The following RPGRIP1 variants were observed in gnomAD, a reference collection of about 807,000 sequenced individuals.
RPGRIP1 encodes the protein X-linked retinitis pigmentosa GTPase regulator-interacting protein 1.
Under a neutral mutation model 157.9 loss-of-function variants are expected in RPGRIP1, and 128 were observed. The ratio of observed to expected loss-of-function variants is 0.81; its 90% confidence interval spans 0.70 to 0.94. RPGRIP1 has a LOEUF of 0.94. Ranked by LOEUF, RPGRIP1 falls within the 40% of genes least tolerant of loss-of-function variation. RPGRIP1 has a pLI of 0.00. For missense variants in RPGRIP1, 1,486 were observed against 1,545.8 expected, an observed-to-expected ratio of 0.96 and a Z score of 0.65; for synonymous variants, 554 against 571.6, an observed-to-expected ratio of 0.97 and a Z score of 0.44.
chr14:21,320,586 C>G (rs1221461768), intron 12 of RPGRIP1, among the ~76,000 whole-genome samples: 5 of 144,408 alleles, frequency 3.5e-5, no homozygotes, highest in Non-Finnish European at 7.5e-5. Context: ...CCACCGCGCC[C>G]GGCCCACTCT....
At chr14:21,349,877 C>T (rs191787924) in intron 24 of RPGRIP1, among the ~76,000 whole-genome samples, 8 of 152,250 alleles carry the variant, frequency 5.3e-5, no homozygotes, top group South Asian at 4.1e-4. Flanking sequence ...GTTGGGACTG[C>T]GCTGTCCAGT....
In RPGRIP1 at chr14:21,321,316, C is replaced by G; in HGVS notation, c.1525C>G (p.Gln509Glu). The G allele has an allele frequency of 6.2e-7, 1 of 1,613,922 alleles. No individual in the cohort carries two copies. Among genetic ancestry groups the G allele is most frequent in the Non-Finnish European group, 8.5e-7 (1 of 1,179,850 alleles). ...KKLSQVLNEL[Q>E]VSHAETTLEL... ...ACTGTCCCAGGTGCTAAATGAGTTG[C>G]AAGTATCACACGCAGAGACCACATT... Residue 509 changes from glutamine (Q) to glutamate (E), a missense_variant, in exon 13 of 25, where the codon CAA becomes GAA. By Grantham distance (29) the Gln-to-Glu change is conservative. Coordinates refer to ENST00000400017, the MANE Select transcript of RPGRIP1 (RefSeq NM_020366.4).
In RPGRIP1 at chr14:21,295,031, A is replaced by G. The variant is rs185309465; in HGVS notation, c.218+222A>G. ...GCTAATTTAGTATTTTTAAGTAGAG[A>G]TGGGGATTCGCCATGTTGGCCAGGT... On this transcript the variant is annotated intron_variant, in intron 3 of 24. Transcript: ENST00000400017. 2.2e-3 allele frequency among the ~76,000 whole-genome samples: 335 copies of G among 151,584 alleles called. 2 individuals carry two copies. The highest frequency in any genetic ancestry group is 7.3e-3 in the African/African-American group (302 of 41,328).
At chr14:21,316,981 C>T (rs1237935604) in intron 10 of RPGRIP1, among the ~76,000 whole-genome samples, 1 of 151,630 alleles carries the variant, frequency 6.6e-6, no homozygotes, top group Non-Finnish European at 1.5e-5. Flanking sequence ...TTAGCTGGGC[C>T]TGGTGGTGGG....
At chr14:21,329,697 T>G (rs1293342365) in intron 19 of RPGRIP1, among the ~76,000 whole-genome samples, 1 of 151,124 alleles carries the variant, frequency 6.6e-6, no homozygotes, top group Non-Finnish European at 1.5e-5. Context: ...AGACGAGGTT[T>G]CACCATGTTG....
rs1172357323 is a variant in RPGRIP1 at position 21,345,173 on chromosome 14, A to G, written c.3593A>G (p.Asn1198Ser). Residue 1198 changes from asparagine (N) to serine (S), a missense_variant, in exon 23 of 25, where the codon AAT (asparagine) becomes AGT (serine). Physicochemically the swap from Asn to Ser is conservative, Grantham distance 46 (BLOSUM62 1). Transcript: ENST00000400017. ...AGGCGGTTTCTGTTCGACATGCTGA[A>G]TGGACAAGATCCTGATCAAGGACAG... ...GRRRFLFDML[N>S]GQDPDQGHLK... 11 of 1,613,110 alleles carry G rather than the reference A, an allele frequency of 6.8e-6. No individual in the cohort carries two copies. Among genetic ancestry groups the G allele is most frequent in the South Asian group, 2.2e-5 (2 of 91,034 alleles).
At chr14:21,291,977 C>G (rs1022955453) in intron 2 of RPGRIP1, among the ~76,000 whole-genome samples, 5 of 152,146 alleles carry the variant, frequency 3.3e-5, no homozygotes, top group African/African-American at 9.7e-5. Context: ...TCACGCTGGT[C>G]TCAAACTCCT....
intron 14 of RPGRIP1, 69 bp from the exon 15 acceptor site, chr14:21,324,549 C>A: frequency 7.8e-7 from 1 of 1,280,874 alleles, no homozygotes; most frequent in Non-Finnish European, 1.1e-6. Flanking sequence ...TTTCTTTTGT[C>A]CACCCTCCTC....
In RPGRIP1 at chr14:21,307,774, C is replaced by A; in HGVS notation, c.844C>A (p.Leu282Ile). ...GGTAGAGCTGATTCGACTTAAGAAG[C>A]TCTTACATGAAAGAAATGCTTCATT... is the stretch of plus-strand genomic sequence containing the variant. ...EKVELIRLKK[L>I]LHERNASLVM... Residue 282 changes from leucine (L) to isoleucine (I), a missense_variant, in exon 7 of 25, where the codon CTC becomes ATC. Physicochemically the swap from Leu to Ile is conservative, Grantham distance 5. Transcript: ENST00000400017. 1 of 1,569,330 alleles carries A rather than the reference C, an allele frequency of 6.4e-7. No individual in the cohort carries two copies.
intron 11 of RPGRIP1, 132 bp downstream of exon 11, chr14:21,317,982 A>G (rs1307525087): frequency 4.0e-6 from 3 of 754,122 alleles, no homozygotes; most frequent in Non-Finnish European, 6.9e-6. Context: ...AGGTAACTAG[A>G]ATGAGAACAC....
intron 12 of RPGRIP1, among the ~76,000 whole-genome samples, chr14:21,320,581 G>T (rs189784980): frequency 6.9e-6 from 1 of 145,446 alleles, no homozygotes; most frequent in South Asian, 2.2e-4. Flanking sequence ...GTAAGCCACC[G>T]CGCCCGGCCC....
In RPGRIP1 at chr14:21,301,154, C is replaced by A; in HGVS notation, c.407C>A (p.Pro136His). 6.3e-7 allele frequency: 1 copy of A among 1,594,528 alleles called. No individual in the cohort carries two copies. Among genetic ancestry groups the A allele is most frequent in the Non-Finnish European group, 8.5e-7 (1 of 1,170,922 alleles). ...TTCCACTGCGTCGGCCCTGCCAGCC[C>A]CCGCCGCGCCCAGCCTCGCGTCCAA... ...GHFHCVGPAS[P>H]RRAQPRVQVG... Residue 136 changes from proline to histidine, a missense_variant, in exon 4 of 25, where the codon CCC (proline) becomes CAC (histidine). Pro to His is a moderately conservative substitution (Grantham distance 77). Coordinates refer to ENST00000400017, the MANE Select transcript of RPGRIP1 (RefSeq NM_020366.4).
Position 21,302,604 on chromosome 14 carries a change from C to T in RPGRIP1, c.587+20C>T, listed in dbSNP as rs1881082399. 2 of 1,417,708 alleles carry T rather than the reference C, an allele frequency of 1.4e-6. No homozygotes were observed. The highest frequency in any genetic ancestry group is 2.5e-5 in the East Asian group (1 of 40,620). The allele number at this position is 1,417,708 out of a possible 1,614,324, so 87.8% of individuals were successfully genotyped here. A position where few individuals can be genotyped will look rare whatever the true frequency, so the allele number is the denominator to read the frequency against. ...TGAACTGTGAGTTCTTCTCATTTAT[C>T]CCATGTTGTTATTCCTGCCACTTTA... On this transcript the variant is annotated intron_variant, in intron 5 of 24. Transcript: ENST00000400017.
At chr14:21,331,788 A>C (rs1378911727) in intron 20 of RPGRIP1, among the ~76,000 whole-genome samples, 6 of 152,066 alleles carry the variant, frequency 3.9e-5, no homozygotes, top group Non-Finnish European at 8.8e-5. Flanking sequence ...TTGAACATTT[A>C]TATTTCATGG....
chr14:21,325,779 A>G (rs1883015212), intron 16 of RPGRIP1, 52 bp from the exon 17 acceptor site: 2 of 1,359,602 alleles, frequency 1.5e-6, no homozygotes, highest in South Asian at 2.6e-5. Context: ...GGCTTCACCT[A>G]CAACAGTCTC....
intron 21 of RPGRIP1, among the ~76,000 whole-genome samples, chr14:21,340,934 A>C (rs1884934779): frequency 6.6e-6 from 1 of 152,212 alleles, no homozygotes; most frequent in Non-Finnish European, 1.5e-5. Flanking sequence ...AAGTGTCAAA[A>C]AAAAACCAGA....
chr14:21,281,895 C>T (rs1880145493), intron 1 of RPGRIP1, among the ~76,000 whole-genome samples: 2 of 151,730 alleles, frequency 1.3e-5, no homozygotes, highest in South Asian at 4.2e-4. Flanking sequence ...GAGTTCGAGA[C>T]CAGCCTGGCC....
intron 10 of RPGRIP1, among the ~76,000 whole-genome samples, chr14:21,316,965 CA>C (rs1881847562): frequency 1.3e-5 from 2 of 151,542 alleles, no homozygotes; most frequent in African/African-American, 4.8e-5. Context: ...ATTAAAAATA[CA>C]AAAATTAGCT....
intron 6 of RPGRIP1, among the ~76,000 whole-genome samples, chr14:21,304,859 T>A (rs1203416975): frequency 6.6e-6 from 1 of 151,922 alleles, no homozygotes; most frequent in East Asian, 1.9e-4. Context: ...TGGAGGGCAG[T>A]GGCGTGATCT....
Sources: allele counts gnomAD v4.1 joint callset (sites outside exome capture counted in the v4.1 genomes callset), GRCh38; gene constraint gnomAD v4.1.1; transcripts MANE v1.5; gene names NCBI Gene and HGNC (gene_info 2026-07-23, HGNC 2026-07-21).